The following ZMYM2 variants were observed in gnomAD, a reference collection of about 807,000 sequenced individuals.
ZMYM2 encodes the protein zinc finger MYM-type protein 2.
ZMYM2 carries 56 observed loss-of-function variants against 162.8 expected under a neutral mutation model. The ratio of observed to expected loss-of-function variants is 0.34; its 90% CI spans 0.28 to 0.43. The LOEUF (loss-of-function observed/expected upper bound fraction) is 0.43. Ranked by LOEUF, ZMYM2 falls within the 20% of genes least tolerant of loss-of-function variation. The pLI, the probability that ZMYM2 is intolerant of heterozygous loss-of-function variation, is 1.00. For synonymous variants in ZMYM2, 510 were observed against 541.6 expected (o/e 0.94, Z 0.81); for missense variants, 1,275 against 1,621.8 (o/e 0.79, Z 3.67).
the ZMYM2 span, among the ~76,000 whole-genome samples, chr13:19,937,456 CTTTT>C: frequency 9.5e-6 from 1 of 105,080 alleles, no homozygotes; most frequent in Non-Finnish European, 2.1e-5. Flanking sequence ...TAGTATTCCT[CTTTT>C]TTTTTTTTTT....
At chr13:20,063,641 C>T (rs534000385) in intron 18 of ZMYM2, among the ~76,000 whole-genome samples, 459 of 149,678 alleles carry the variant, frequency 3.1e-3, no homozygotes, top group Non-Finnish European at 5.4e-3. Flanking sequence ...ATTAGCTGGG[C>T]GTGGTGGTGA....
chr13:19,868,895 C>T, the ZMYM2 span, among the ~76,000 whole-genome samples: 5 of 152,082 alleles, frequency 3.3e-5, no homozygotes, highest in South Asian at 2.1e-4. Flanking sequence ...GGATTACAGG[C>T]GCCTGCCACC....
intron 6 of ZMYM2, among the ~76,000 whole-genome samples, chr13:20,014,258 G>C (rs1477008658): frequency 2.0e-5 from 3 of 152,064 alleles, no homozygotes; most frequent in Admixed American, 6.6e-5. Context: ...ATTTTTAGTA[G>C]AGATGGGGTT....
intron 2 of ZMYM2, among the ~76,000 whole-genome samples, chr13:19,976,402 TTTTTA>T (rs1462032535): frequency 6.6e-6 from 1 of 152,100 alleles, no homozygotes; most frequent in African/African-American, 2.4e-5. Context: ...TTTTTTTTCT[TTTTTA>T]TTTTAAATTG....
rs539365348 is a variant in ZMYM2 at position 19,974,460 on chromosome 13, AC to A, written c.-11+14436del. On this transcript the variant is annotated intron_variant, in intron 2 of 24. Coordinates refer to ENST00000610343, the MANE Select transcript of ZMYM2 (RefSeq NM_197968.4). ...TGGATTGTTTAAATCTTTTGATTTTACCATGAATATCCTTCTACTTTTTTTT... is the reference window on the plus strand; with the variant it reads ...TGGATTGTTTAAATCTTTTGATTTTACATGAATATCCTTCTACTTTTTTTT... 4.0e-5 allele frequency among the ~76,000 whole-genome samples: 6 copies of A among 148,696 alleles called. No individual in the cohort carries two copies. In the South Asian group the frequency reaches 1.3e-3, roughly 31 times the overall value.
At chr13:19,996,454 C>G (rs920629216) in intron 3 of ZMYM2, among the ~76,000 whole-genome samples, 1 of 151,720 alleles carries the variant, frequency 6.6e-6, no homozygotes, top group Admixed American at 6.6e-5. Flanking sequence ...GGGCTGGTTG[C>G]GGTGGCTCAA....
chr13:20,027,905 A>G (rs1353006331), intron 9 of ZMYM2: 1 of 168,290 alleles, frequency 5.9e-6, no homozygotes, highest in African/African-American at 2.4e-5. Context: ...GTTGACCACT[A>G]GGAAGGAATA....
upstream of ZMYM2, among the ~76,000 whole-genome samples, chr13:19,954,563 A>G (rs1244867100): frequency 2.6e-5 from 4 of 152,164 alleles, no homozygotes; most frequent in Non-Finnish European, 5.9e-5. Context: ...CCCTTTCTCC[A>G]CAACAATAAA....
the ZMYM2 span, among the ~76,000 whole-genome samples, chr13:19,903,593 T>C: frequency 2.0e-5 from 3 of 151,234 alleles, no homozygotes; most frequent in Non-Finnish European, 4.4e-5. Context: ...GAGGCCGAAG[T>C]GTGATGGCTC....
the ZMYM2 span, among the ~76,000 whole-genome samples, chr13:19,887,037 T>C: frequency 6.6e-6 from 1 of 151,864 alleles, no homozygotes; most frequent in South Asian, 2.1e-4. Context: ...TCCTCTGAAT[T>C]TCCTGCAAAT....
intron 2 of ZMYM2, among the ~76,000 whole-genome samples, chr13:19,983,260 T>C (rs1957510662): frequency 6.6e-6 from 1 of 151,866 alleles, no homozygotes; most frequent in Admixed American, 6.6e-5. Flanking sequence ...TTCTCCTGCC[T>C]CAGCCTCCGG....
rs1367175930 is a variant in ZMYM2 at position 19,993,466 on chromosome 13, G to A, written c.394G>A (p.Glu132Lys). The change falls in exon 3 of 25, where the codon GAG becomes AAG. Residue 132 changes from glutamate (E) to lysine (K), a missense_variant. Coordinates refer to ENST00000610343, the MANE Select transcript of ZMYM2 (RefSeq NM_197968.4). ...EEDMETNQGQ[E>K]KNSSNFIERR... ...GGACATGGAAACAAATCAAGGGCAA[G>A]AGAAAAATTCCTCCAATTTTATTGA... 3 of 1,614,058 alleles carry A rather than the reference G, an allele frequency of 1.9e-6. No individual in the cohort carries two copies. The highest frequency in any genetic ancestry group is 2.2e-5 in the South Asian group (2 of 91,080).
intron 9 of ZMYM2, 79 bp downstream of exon 9, chr13:20,027,397 A>G (rs2140263355): frequency 9.1e-7 from 1 of 1,098,450 alleles, no homozygotes; most frequent in Non-Finnish European, 1.2e-6. Context: ...AATATGCTTT[A>G]TTTTATCTTA....
chr13:20,006,609 T>A, intron 6 of ZMYM2, 23 bp downstream of exon 6: 1 of 1,608,846 alleles, frequency 6.2e-7, no homozygotes, highest in Non-Finnish European at 8.5e-7. Context: ...CTAATCAAAA[T>A]TGGGCATTCT....
chr13:19,946,344 C>T, the ZMYM2 span, among the ~76,000 whole-genome samples: 1 of 152,214 alleles, frequency 6.6e-6, no homozygotes, highest in African/African-American at 2.4e-5. Flanking sequence ...GCTCTTGACT[C>T]TCCTTTCCCA....
intron 21 of ZMYM2, among the ~76,000 whole-genome samples, chr13:20,075,863 T>TC (rs1957461557): frequency 3.3e-5 from 5 of 151,694 alleles, no homozygotes; most frequent in African/African-American, 1.2e-4. Flanking sequence ...TGGGTTTTTT[T>TC]TCCCCCCCAT....
intron 2 of ZMYM2, among the ~76,000 whole-genome samples, chr13:19,990,336 C>T (rs572285796): frequency 6.6e-6 from 1 of 152,328 alleles, no homozygotes; most frequent in African/African-American, 2.4e-5. Flanking sequence ...TTATCCTCCT[C>T]TTTGCTTCTT....
At chr13:19,917,660 A>G in the ZMYM2 span, among the ~76,000 whole-genome samples, 1 of 152,018 alleles carries the variant, frequency 6.6e-6, no homozygotes, top group South Asian at 2.1e-4. Flanking sequence ...CAACTTTCCA[A>G]TGTTATTTTT....
chr13:19,916,413 G>A, the ZMYM2 span, among the ~76,000 whole-genome samples: 1 of 152,134 alleles, frequency 6.6e-6, no homozygotes, highest in Non-Finnish European at 1.5e-5. Flanking sequence ...ACATGCACAC[G>A]TATGTTTATT....
Sources: allele counts gnomAD v4.1 joint callset (sites outside exome capture counted in the v4.1 genomes callset), GRCh38; gene constraint gnomAD v4.1.1; transcripts MANE v1.5; gene names NCBI Gene and HGNC (gene_info 2026-07-23, HGNC 2026-07-21).